Variants in MALRD1 observed in about 807,000 individuals in gnomAD.
The protein encoded by MALRD1 is MAM and LDL receptor class A domain containing 1.
In MALRD1, 247 loss-of-function variants were observed where a neutral mutation model predicts 242.1. The observed-to-expected ratio is 1.02, with a 90% CI of 0.92 to 1.13. MALRD1 has a LOEUF of 1.13. Ranked by LOEUF, MALRD1 falls within the 50% of genes most tolerant of loss-of-function variation. The pLI, the probability that MALRD1 is intolerant of heterozygous loss-of-function variation, is 0.00. For missense variants in MALRD1, 2,989 were observed against 2,533.1 expected, an observed-to-expected ratio of 1.18 and a Z score of -3.86; for synonymous variants, 995 against 866.6, an observed-to-expected ratio of 1.15 and a Z score of -2.60.
chr10:19,069,876 A>G (rs1835090018), intron 2 of MALRD1, among the ~76,000 whole-genome samples: 1 of 152,020 alleles, frequency 6.6e-6, no homozygotes, highest in African/African-American at 2.4e-5. Context: ...AACTTCTTGA[A>G]TCTGAAATGT....
At chr10:19,139,142 A>C (rs1833455320) in intron 10 of MALRD1, among the ~76,000 whole-genome samples, 1 of 152,176 alleles carries the variant, frequency 6.6e-6, no homozygotes, top group Non-Finnish European at 1.5e-5. Context: ...GTTTCATGTA[A>C]ATATATATAC....
intron 30 of MALRD1, among the ~76,000 whole-genome samples, chr10:19,493,791 C>T (rs759868126): frequency 6.6e-6 from 1 of 151,512 alleles, no homozygotes; most frequent in Non-Finnish European, 1.5e-5. Flanking sequence ...CCAGCCTGGG[C>T]GACAGAGTGA....
intron 28 of MALRD1, among the ~76,000 whole-genome samples, chr10:19,389,914 A>G (rs1265642629): frequency 6.6e-6 from 1 of 152,074 alleles, no homozygotes; most frequent in Non-Finnish European, 1.5e-5. Flanking sequence ...CTCCCACTTC[A>G]ACCTCTCAAA....
At chr10:19,094,254 C>T (rs1276671834) in intron 4 of MALRD1, among the ~76,000 whole-genome samples, 2 of 99,850 alleles carry the variant, frequency 2.0e-5, no homozygotes, top group Non-Finnish European at 4.0e-5. Flanking sequence ...ATTCCGTGGG[C>T]ATAGGACCCT....
chr10:19,349,279 G>A (rs1454008203), intron 25 of MALRD1, among the ~76,000 whole-genome samples: 1 of 152,146 alleles, frequency 6.6e-6, no homozygotes, highest in Non-Finnish European at 1.5e-5. Flanking sequence ...ACTTCTCTGT[G>A]CCTGTGTCCA....
intron 29 of MALRD1, among the ~76,000 whole-genome samples, chr10:19,458,959 A>G (rs1161840897): frequency 2.6e-5 from 4 of 152,068 alleles, no homozygotes; most frequent in Non-Finnish European, 5.9e-5. Context: ...TTTTAAAAGT[A>G]TATCATCAAG....
At chr10:19,429,248 G>T (rs1378381842) in intron 28 of MALRD1, among the ~76,000 whole-genome samples, 8 of 152,208 alleles carry the variant, frequency 5.3e-5, no homozygotes, top group Non-Finnish European at 1.2e-4. Context: ...AATGTAATGT[G>T]TAATGTGTAA....
chr10:19,503,610 G>T (rs1028886988), intron 31 of MALRD1, among the ~76,000 whole-genome samples: 1 of 152,198 alleles, frequency 6.6e-6, no homozygotes, highest in Non-Finnish European at 1.5e-5. Context: ...GCACAAAGCT[G>T]CTGCTGTCTC....
At chr10:19,350,271 C>CTTTTTT (rs202204577) in intron 25 of MALRD1, among the ~76,000 whole-genome samples, 1 of 118,484 alleles carries the variant, frequency 8.4e-6, no homozygotes, top group African/African-American at 3.2e-5. Flanking sequence ...TTCTTTTTTT[C>CTTTTTT]TTTTTTTTTT....
chr10:19,593,023 A>T (rs1365430511), intron 33 of MALRD1, among the ~76,000 whole-genome samples: 1 of 150,978 alleles, frequency 6.6e-6, no homozygotes, highest in African/African-American at 2.4e-5. Flanking sequence ...AAAAAAAAGA[A>T]TTTCTGTACT....
At chr10:19,483,968 T>C (rs938447993) in intron 29 of MALRD1, among the ~76,000 whole-genome samples, 45 of 152,172 alleles carry the variant, frequency 3.0e-4, no homozygotes, top group African/African-American at 1.1e-3. Context: ...ATATATCCTT[T>C]GCAGCAACAT....
At chr10:19,506,156 A>G (rs969963310) in intron 31 of MALRD1, among the ~76,000 whole-genome samples, 10 of 152,176 alleles carry the variant, frequency 6.6e-5, no homozygotes, top group African/African-American at 2.4e-4. Flanking sequence ...TCCCAATCAC[A>G]GAAGTCTGTT....
intron 18 of MALRD1, among the ~76,000 whole-genome samples, chr10:19,230,293 A>G (rs1445858988): frequency 2.0e-5 from 3 of 152,106 alleles, no homozygotes; most frequent in Non-Finnish European, 4.4e-5. Flanking sequence ...GTTATAAAGA[A>G]ATACCTGAGG....
At chr10:19,457,162 G>A (rs1036600562) in intron 29 of MALRD1, among the ~76,000 whole-genome samples, 10 of 152,080 alleles carry the variant, frequency 6.6e-5, no homozygotes, top group African/African-American at 1.9e-4. Context: ...TATCAGCTGA[G>A]TTGATTTCCC....
chr10:19,562,121 C>A (rs1181329353), intron 32 of MALRD1, among the ~76,000 whole-genome samples: 2 of 152,114 alleles, frequency 1.3e-5, no homozygotes, highest in Non-Finnish European at 2.9e-5. Flanking sequence ...GATGGTGAAA[C>A]CCTGTCTCTA....
chr10:19,506,529 T>C (rs756081001), intron 31 of MALRD1, among the ~76,000 whole-genome samples: 2 of 152,144 alleles, frequency 1.3e-5, no homozygotes, highest in Non-Finnish European at 2.9e-5. Flanking sequence ...CTATTGACAC[T>C]TGTGTATCAT....
At chr10:19,376,594 T>A (rs1489353067) in intron 26 of MALRD1, among the ~76,000 whole-genome samples, 1 of 144,438 alleles carries the variant, frequency 6.9e-6, no homozygotes, top group Non-Finnish European at 1.5e-5. Flanking sequence ...TTGCTCCTAT[T>A]GCCCAGGCTG....
chr10:19,248,986 TTA>T (rs980023654), intron 18 of MALRD1, among the ~76,000 whole-genome samples: 28 of 146,966 alleles, frequency 1.9e-4, no homozygotes, highest in African/African-American at 6.6e-4. Flanking sequence ...TAAATATATG[TTA>T]TATATTTATA....
chr10:19,352,392 T>G, intron 26 of MALRD1, 95 bp downstream of exon 26: 1 of 1,077,756 alleles, frequency 9.3e-7, no homozygotes, highest in East Asian at 2.6e-5. Context: ...AAACACCTAG[T>G]AATTTATCAC....
Sources: allele counts gnomAD v4.1 joint callset (sites outside exome capture counted in the v4.1 genomes callset), GRCh38; gene constraint gnomAD v4.1.1; transcripts MANE v1.5; gene names NCBI Gene and HGNC (gene_info 2026-07-23, HGNC 2026-07-21).